Variants in IGF1R observed in about 807,000 individuals in gnomAD.
IGF1R encodes insulin-like growth factor 1 receptor.
IGF1R carries 44 observed loss-of-function variants against 144.6 expected under a neutral mutation model. The observed-to-expected ratio is 0.30, with a 90% confidence interval of 0.24 to 0.39. The LOEUF (loss-of-function observed/expected upper bound fraction) is 0.39, where lower values mean the gene tolerates loss of function less well. IGF1R is among the 10% of genes least tolerant of loss of function. The pLI is 1.00. For missense variants in IGF1R, 1,355 were observed against 1,833.7 expected, an observed-to-expected ratio of 0.74 and a Z score of 4.77; for synonymous variants, 795 against 722.8, an observed-to-expected ratio of 1.10 and a Z score of -1.60.
In IGF1R at chr15:98,707,246, T is replaced by C. The variant is rs994518975; in HGVS notation, c.95-316T>C. Among the ~76,000 whole-genome samples, 2 of 152,198 alleles carry C rather than the reference T, an allele frequency of 1.3e-5. No individual in the cohort carries two copies. The highest frequency in any genetic ancestry group is 4.8e-5 in the African/African-American group (2 of 41,452). On this transcript the variant is annotated intron_variant, in intron 1 of 20. Coordinates refer to ENST00000650285, the MANE Select transcript of IGF1R (RefSeq NM_000875.5). This position sits in a 1 kb window ranked among gnomAD's most constrained non-coding sequence, Gnocchi z 6.7. ...GTCCGGCTGGCCTGGGTTGCAGATT[T>C]AACTTTCGCCTCTGCCTCTGTGTGC... is the stretch of plus-strand genomic sequence containing the variant.
chr15:98,784,128 C>G (rs2055929748), intron 2 of IGF1R, among the ~76,000 whole-genome samples: 1 of 152,012 alleles, frequency 6.6e-6, no homozygotes, highest in Non-Finnish European at 1.5e-5. Context: ...GCACCCGCAA[C>G]CACACCCGGG....
Position 98,926,056 on chromosome 15 carries a change from A to T in IGF1R, c.2782+1372A>T, listed in dbSNP as rs140915041. Reference sequence around the variant, plus strand: ...ACTATTCACAGTGGCCAAGACATGGAATCCACCTGATGTCCATCACTATGT... The same window carrying T: ...ACTATTCACAGTGGCCAAGACATGGTATCCACCTGATGTCCATCACTATGT... On this transcript the variant is annotated intron_variant, in intron 13 of 20. Transcript: ENST00000650285. Among the ~76,000 whole-genome samples, 7 of 152,362 alleles carry T rather than the reference A, an allele frequency of 4.6e-5. No homozygotes were observed. The East Asian group carries it at 1.3e-3, about 29-fold the overall frequency.
intron 1 of IGF1R, among the ~76,000 whole-genome samples, chr15:98,693,237 A>G (rs1236558840): frequency 2.0e-5 from 3 of 152,226 alleles, no homozygotes; most frequent in Non-Finnish European, 4.4e-5. Context: ...AGAATGAGGC[A>G]GGCATAGAGG....
At chr15:98,900,705 C>G (rs924079687) in intron 5 of IGF1R, 1 of 152,240 alleles carries the variant, frequency 6.6e-6, no homozygotes, top group South Asian at 2.1e-4. Context: ...GCTGCCGCTG[C>G]ACCCAGCCCC....
At chr15:98,690,151 G>A (rs957027405) in intron 1 of IGF1R, among the ~76,000 whole-genome samples, 3 of 152,068 alleles carry the variant, frequency 2.0e-5, no homozygotes. Flanking sequence ...AGACCAGCCT[G>A]GACAACATAG....
intron 1 of IGF1R, among the ~76,000 whole-genome samples, chr15:98,674,977 A>ATT (rs71149408): frequency 0.097 from 9,596 of 98,732 alleles, 560 homozygotes; most frequent in South Asian, 0.14. Flanking sequence ...GTATTTTACA[A>ATT]TTTTTTTTTT....
chr15:98,819,388 C>T (rs2056761644), intron 2 of IGF1R, among the ~76,000 whole-genome samples: 1 of 152,036 alleles, frequency 6.6e-6, no homozygotes, highest in African/African-American at 2.4e-5. Flanking sequence ...GGAGCTGGGG[C>T]CTTTAGGAAG....
At chr15:98,813,409 A>T (rs1269155836) in intron 2 of IGF1R, among the ~76,000 whole-genome samples, 1 of 152,152 alleles carries the variant, frequency 6.6e-6, no homozygotes, top group Non-Finnish European at 1.5e-5. Context: ...CCTACACCCC[A>T]GAGCCTGTCA....
At position 98,707,840 on chromosome 15, in the gene IGF1R, C is replaced by A; in HGVS notation, c.373C>A (p.Leu125Ile). The change falls in exon 2 of 21, where the codon CTC becomes ATC. Residue 125 changes from leucine to isoleucine, a missense_variant. Around this residue, in one of 7 missense-constraint regions of IGF1R, gnomAD observed 75 missense variants for 160.0 expected, o/e 0.47. Transcript: ENST00000650285. This position sits in a 1 kb window ranked among gnomAD's most constrained non-coding sequence, Gnocchi z 6.7. ...CCTGGTCATCTTCGAGATGACCAAT[C>A]TCAAGGATATTGGGCTTTACAACCT... ...YALVIFEMTNLKDIGLYNLRN... is the reference protein window; with the variant it reads ...YALVIFEMTNIKDIGLYNLRN... 6.2e-7 allele frequency: 1 copy of A among 1,614,216 alleles called. No individual in the cohort carries two copies. Among genetic ancestry groups the A allele is most frequent in the South Asian group, 1.1e-5 (1 of 91,082 alleles).
At chr15:98,781,794 T>A (rs927411335) in intron 2 of IGF1R, among the ~76,000 whole-genome samples, 7 of 152,272 alleles carry the variant, frequency 4.6e-5, no homozygotes, top group Non-Finnish European at 8.8e-5. Flanking sequence ...CTATATTGAG[T>A]CTATTTCCTG....
At chr15:98,694,706 TC>T (rs376505488) in intron 1 of IGF1R, among the ~76,000 whole-genome samples, 38 of 152,356 alleles carry the variant, frequency 2.5e-4, no homozygotes, top group African/African-American at 9.1e-4. Flanking sequence ...CTTCTCAATT[TC>T]CATGGAAGAA....
At chr15:98,817,301 CAAAAAT>C (rs936228404) in intron 2 of IGF1R, among the ~76,000 whole-genome samples, 2 of 66,800 alleles carry the variant, frequency 3.0e-5, no homozygotes, top group East Asian at 4.1e-4. Context: ...GAATCTGTCT[CAAAAAT>C]AATAATAATA....
chr15:98,686,390 A>G (rs1567075456), intron 1 of IGF1R, among the ~76,000 whole-genome samples: 1 of 152,198 alleles, frequency 6.6e-6, no homozygotes, highest in African/African-American at 2.4e-5. Flanking sequence ...ATGGATATGC[A>G]AATATTTCCT....
chr15:98,901,911 T>A (rs1596416204), intron 5 of IGF1R, among the ~76,000 whole-genome samples: 2 of 152,058 alleles, frequency 1.3e-5, no homozygotes, highest in East Asian at 3.9e-4. Flanking sequence ...ACTGGAGAGG[T>A]GGGTGGTACT....
At chr15:98,847,015 C>T (rs532155362) in intron 2 of IGF1R, among the ~76,000 whole-genome samples, 3 of 152,296 alleles carry the variant, frequency 2.0e-5, no homozygotes, top group Non-Finnish European at 4.4e-5. Context: ...CTCACTCCCT[C>T]ACCCAGGTCA....
intron 1 of IGF1R, among the ~76,000 whole-genome samples, chr15:98,652,433 C>G (rs947555493): frequency 6.6e-6 from 1 of 152,172 alleles, no homozygotes; most frequent in Non-Finnish European, 1.5e-5. Context: ...AGAAAAAGAA[C>G]TTCTGAAAGA....
intron 2 of IGF1R, among the ~76,000 whole-genome samples, chr15:98,794,034 A>G (rs746455690): frequency 3.9e-5 from 6 of 152,230 alleles, no homozygotes; most frequent in Non-Finnish European, 7.3e-5. Flanking sequence ...AGCAGCCGTA[A>G]CAAGTGTCCT....
At chr15:98,907,442 T>C (rs2014786776) in intron 5 of IGF1R, among the ~76,000 whole-genome samples, 1 of 152,216 alleles carries the variant, frequency 6.6e-6, no homozygotes, top group Non-Finnish European at 1.5e-5. Context: ...CTGGGGTTCT[T>C]TCTCCTTTGT....
At chr15:98,664,355 G>A (rs890015610) in intron 1 of IGF1R, among the ~76,000 whole-genome samples, 1 of 152,082 alleles carries the variant, frequency 6.6e-6, no homozygotes. Context: ...TTCCTCATCT[G>A]TAAAATGGAA....
Sources: gnomAD v4.1 joint callset for allele counts (sites outside exome capture counted in the v4.1 genomes callset) on GRCh38, gnomAD v4.1.1 for gene constraint, gnomAD v4.1.1 regional missense constraint, Gnocchi (gnomAD v3.1) non-coding constraint, MANE v1.5 for transcripts, NCBI Gene and HGNC (gene_info 2026-07-23, HGNC 2026-07-21) for gene names.